The following FAM168A variants were observed in gnomAD, a reference collection of about 807,000 sequenced individuals.
FAM168A encodes the protein family with sequence similarity 168 member A.
In FAM168A, 3 loss-of-function variants were observed where a neutral mutation model predicts 28.5. The observed-to-expected ratio is 0.11, with a 90% confidence interval of 0.05 to 0.27. The LOEUF (loss-of-function observed/expected upper bound fraction) is 0.27. Ranked by LOEUF, FAM168A falls within the 10% of genes least tolerant of loss-of-function variation. The pLI, the probability that FAM168A is intolerant of heterozygous loss-of-function variation, is 1.00. For synonymous variants in FAM168A, 122 were observed against 124.2 expected (o/e 0.98, Z 0.12); for missense variants, 222 against 311.5 (o/e 0.71, Z 2.16).
In FAM168A at chr11:73,430,744, C is replaced by A. The variant is rs1866974619; in HGVS notation, c.97G>T (p.Ala33Ser). The A allele has an allele frequency of 6.2e-7, 1 of 1,613,078 alleles. No homozygotes were observed. The highest frequency in any genetic ancestry group is 1.1e-5 in the South Asian group (1 of 91,046). ...TGYPTAYPAAAPAYNPSLYPT... is the reference protein window; with the variant it reads ...TGYPTAYPAASPAYNPSLYPT... ...TACAGGCTGGGATTGTAGGCAGGGG[C>A]AGCTGCTGGATAGGCTGTGGGGTAA... Residue 33 changes from alanine (A) to serine (S), a missense_variant, in exon 3 of 8, where the codon GCC becomes TCC. Ala to Ser is a moderately conservative substitution (Grantham distance 99). This residue lies in a region of FAM168A where 153 missense variants were observed against 189.2 expected (regional missense o/e 0.81). Transcript: ENST00000356467.
At chr11:73,504,212 C>G (rs1044816194) in intron 1 of FAM168A, among the ~76,000 whole-genome samples, 5 of 152,176 alleles carry the variant, frequency 3.3e-5, no homozygotes, top group Non-Finnish European at 4.4e-5. Flanking sequence ...TCGAAGTGAA[C>G]AAGCAACCTA....
At chr11:73,516,627 G>A (rs1016381299) in intron 1 of FAM168A, among the ~76,000 whole-genome samples, 1 of 152,146 alleles carries the variant, frequency 6.6e-6, no homozygotes, top group Admixed American at 6.5e-5. Flanking sequence ...GGTTTCTGCA[G>A]AACTTCATGT....
At chr11:73,428,066 A>G (rs1272711462) in intron 3 of FAM168A, among the ~76,000 whole-genome samples, 1 of 152,196 alleles carries the variant, frequency 6.6e-6, no homozygotes, top group African/African-American at 2.4e-5. Flanking sequence ...TTCTAAGCAC[A>G]TCTATCTGTG....
At chr11:73,438,116 T>A (rs1867124570) in intron 2 of FAM168A, among the ~76,000 whole-genome samples, 1 of 152,294 alleles carries the variant, frequency 6.6e-6, no homozygotes, top group East Asian at 1.9e-4. Context: ...ATCATCATCA[T>A]CGTCATCATC....
chr11:73,449,398 A>G (rs1014628088), intron 2 of FAM168A, among the ~76,000 whole-genome samples: 1 of 152,250 alleles, frequency 6.6e-6, no homozygotes, highest in African/African-American at 2.4e-5. Flanking sequence ...ACATGAAAAA[A>G]AAAATCTGGC....
intron 2 of FAM168A, among the ~76,000 whole-genome samples, chr11:73,438,725 T>C (rs1314490940): frequency 4.6e-5 from 7 of 151,844 alleles, no homozygotes; most frequent in Non-Finnish European, 1.0e-4. Flanking sequence ...GTGGTTAAGA[T>C]CAGAGAAGGA....
chr11:73,571,169 G>C (rs1357462450), intron 1 of FAM168A, among the ~76,000 whole-genome samples: 1 of 151,686 alleles, frequency 6.6e-6, no homozygotes, highest in Non-Finnish European at 1.5e-5. Flanking sequence ...ATGGAAAAAT[G>C]CTTAACTAAT....
intron 1 of FAM168A, among the ~76,000 whole-genome samples, chr11:73,526,558 T>C (rs560227885): frequency 3.2e-4 from 48 of 152,168 alleles, no homozygotes; most frequent in Non-Finnish European, 5.9e-4. Context: ...GCTTATCTTA[T>C]AGAAGTATTA....
intron 1 of FAM168A, among the ~76,000 whole-genome samples, chr11:73,508,663 G>GGTGT (rs1027680188): frequency 2.6e-5 from 4 of 151,610 alleles, no homozygotes; most frequent in Non-Finnish European, 5.9e-5. Flanking sequence ...GAGTACTAGG[G>GGTGT]GTGTGTGTGT....
At chr11:73,591,587 G>A (rs1471312725) in intron 1 of FAM168A, among the ~76,000 whole-genome samples, 1 of 152,138 alleles carries the variant, frequency 6.6e-6, no homozygotes, top group African/African-American at 2.4e-5. Context: ...ATAGCTCACT[G>A]TAGCCTCAAA....
chr11:73,536,349 G>A (rs1943580772), intron 1 of FAM168A, among the ~76,000 whole-genome samples: 1 of 152,106 alleles, frequency 6.6e-6, no homozygotes, highest in African/African-American at 2.4e-5. Context: ...GTTTGTCAAT[G>A]GTGAATCATA....
rs967602719 is a variant in FAM168A at position 73,402,759 on chromosome 11, C to G, written c.*4004G>C. The G allele has an allele frequency of 6.6e-6, 1 of 152,210 alleles. No homozygotes were observed. Among genetic ancestry groups the G allele is most frequent in the African/African-American group, 2.4e-5 (1 of 41,418 alleles). 9.4% of individuals were successfully genotyped at this position (152,210 alleles called of 1,614,324 possible). On this transcript the variant is annotated 3_prime_UTR_variant, in exon 8 of 8. Transcript: ENST00000356467. Reference sequence around the variant, plus strand: ...GTCTTCGGTCCTGGGCATTGTGACCCCAAAGTGTTTTGTCCAAGTGAGGCC... The same window carrying G: ...GTCTTCGGTCCTGGGCATTGTGACCGCAAAGTGTTTTGTCCAAGTGAGGCC...
At position 73,484,644 on chromosome 11, in the gene FAM168A, C is replaced by A. The variant is rs531301128; in HGVS notation, c.-18-16152G>T. Among the ~76,000 whole-genome samples, 89 of 123,228 alleles carry A rather than the reference C, an allele frequency of 7.2e-4. 1 individual carries two copies. Among genetic ancestry groups the A allele is most frequent in the African/African-American group, 3.5e-3 (75 of 21,602 alleles). The allele number at this position is 123,228 out of a possible 152,430, so 80.8% of individuals were successfully genotyped here. ...TATATATAGATATCTATATCGATATCTATCTATCTATATATAGATAGATAT... is the reference window on the plus strand; with the variant it reads ...TATATATAGATATCTATATCGATATATATCTATCTATATATAGATAGATAT... On this transcript the variant is annotated intron_variant, in intron 1 of 7. Transcript: ENST00000356467.
At chr11:73,438,610 T>G (rs1030301510) in intron 2 of FAM168A, among the ~76,000 whole-genome samples, 1 of 152,186 alleles carries the variant, frequency 6.6e-6, no homozygotes, top group East Asian at 1.9e-4. Flanking sequence ...AGGGATGGAA[T>G]TAATCAAAAA....
chr11:73,503,471 G>A (rs12273053), intron 1 of FAM168A, among the ~76,000 whole-genome samples: 47,085 of 151,874 alleles, frequency 0.31, 9,575 homozygotes, highest in African/African-American at 0.58. Flanking sequence ...TTCAAGGATA[G>A]CTACAAACCA....
chr11:73,524,368 A>C (rs1943424541), intron 1 of FAM168A, among the ~76,000 whole-genome samples: 1 of 152,002 alleles, frequency 6.6e-6, no homozygotes. Flanking sequence ...CCAAAACCTA[A>C]CTATGAGGAG....
rs34994742 is a variant in FAM168A, at chr11:73,433,076, C to CTTTTTTTTTTTTTTTTTTTTT, written c.71-2327_71-2307dup. ...ACAGGTGCGTGCCACCACGCCCCGC[C>CTTTTTTTTTTTTTTTTTTTTT]TTTTTTTTTTTTTTTTTTTTTTTTT... is the stretch of plus-strand genomic sequence containing the variant. On this transcript the variant is annotated intron_variant, in intron 2 of 7. Coordinates refer to ENST00000356467, the MANE Select transcript of FAM168A (RefSeq NM_015159.3). Among the ~76,000 whole-genome samples, 17 of 80,602 alleles carry CTTTTTTTTTTTTTTTTTTTTT rather than the reference C, an allele frequency of 2.1e-4. 1 individual carries two copies. The highest frequency in any genetic ancestry group is 9.5e-4 in the African/African-American group (14 of 14,700). 52.9% of individuals were successfully genotyped at this position (80,602 alleles called of 152,430 possible).
rs567482294 is a variant in FAM168A, at chr11:73,407,555, G to A, written c.684C>T (p.Tyr228=). The change falls in exon 7 of 8, where the codon TAC becomes TAT. Residue 228 remains tyrosine, a synonymous_variant. Coordinates refer to ENST00000356467, the MANE Select transcript of FAM168A (RefSeq NM_015159.3). ...PTYRAQGTPA[Y]SYVPPHW ...TTTACCAGTGTGGGGGCACGTAGCT[G>A]TACGCAGGGGTTCCTTGGGCCCTAT... 13 of 1,603,298 alleles carry A rather than the reference G, an allele frequency of 8.1e-6. No individual in the cohort carries two copies. In the African/African-American group the frequency reaches 1.2e-4, roughly 15 times the overall value.
intron 1 of FAM168A, among the ~76,000 whole-genome samples, chr11:73,470,634 C>T (rs1048554855): frequency 5.9e-5 from 9 of 152,176 alleles, no homozygotes; most frequent in Admixed American, 3.9e-4. Flanking sequence ...TTGCCCCTCT[C>T]TCTTCCACCA....
Sources: gnomAD v4.1 joint callset for allele counts (sites outside exome capture counted in the v4.1 genomes callset) on GRCh38, gnomAD v4.1.1 for gene constraint, gnomAD v4.1.1 regional missense constraint, MANE v1.5 for transcripts, NCBI Gene and HGNC (gene_info 2026-07-23, HGNC 2026-07-21) for gene names.